The following AP1B1 variants were observed in gnomAD, a reference collection of about 807,000 sequenced individuals.
The protein encoded by AP1B1 is AP-1 complex subunit beta-1.
In AP1B1, 36 loss-of-function variants were observed where a neutral mutation model predicts 104.3. That is an observed-to-expected ratio of 0.35 (90% CI 0.26 to 0.46). The LOEUF (loss-of-function observed/expected upper bound fraction) is 0.46, where lower values mean the gene tolerates loss of function less well. Among genes scored for constraint, AP1B1 ranks in the 20% least tolerant of loss-of-function variants. The pLI, the probability that AP1B1 is intolerant of heterozygous loss-of-function variation, is 1.00. For synonymous variants in AP1B1, 504 were observed against 517.5 expected (o/e 0.97, Z 0.35); for missense variants, 901 against 1,247.9 (o/e 0.72, Z 4.19).
At chr22:29,329,496 A>C in intron 22 of AP1B1, 1 of 1,404,222 alleles carries the variant, frequency 7.1e-7, no homozygotes, top group African/African-American at 1.5e-5. Flanking sequence ...GCAGCAGCCC[A>C]CGGGCCCTCC....
intron 3 of AP1B1, among the ~76,000 whole-genome samples, chr22:29,360,629 C>T (rs1426259272): frequency 2.0e-5 from 3 of 152,152 alleles, no homozygotes; most frequent in African/African-American, 7.2e-5. Flanking sequence ...ATTTAACTGC[C>T]CTCAGAAGTC....
At chr22:29,351,939 G>T in intron 7 of AP1B1, 114 bp from the exon 8 acceptor site, 1 of 1,380,698 alleles carries the variant, frequency 7.2e-7, no homozygotes, top group Non-Finnish European at 9.8e-7. Flanking sequence ...CCTGATGTCT[G>T]TGAAGGCAGA....
rs1276219803 is a variant in AP1B1, at chr22:29,388,545, T to C, written c.-149A>G. ...TGCCGGCGGCTCGGAGCCCCGCGGC[T>C]GTCACCTGCCGGGCGGAAGTGAGCT... On this transcript the variant is annotated 5_prime_UTR_variant, in exon 1 of 23. Transcript: ENST00000357586. 1 of 152,148 alleles carries C rather than the reference T, an allele frequency of 6.6e-6. No homozygotes were observed. Among genetic ancestry groups the C allele is most frequent in the Admixed American group, 6.5e-5 (1 of 15,288 alleles). The allele number at this position is 152,148 out of a possible 1,614,324, so 9.4% of individuals were successfully genotyped here.
At chr22:29,351,422 G>T (rs2061872836) in intron 8 of AP1B1, 156 bp from the exon 9 acceptor site, 1 of 951,086 alleles carries the variant, frequency 1.1e-6, no homozygotes, top group Non-Finnish European at 1.6e-6. Context: ...GCAGGTGCCT[G>T]AAAAGGAAAG....
At chr22:29,331,980 C>T in intron 17 of AP1B1, 64 bp from the exon 18 acceptor site, 1 of 1,489,288 alleles carries the variant, frequency 6.7e-7, no homozygotes. Context: ...GACAGGTGAG[C>T]TCCTCCGACT....
chr22:29,380,549 C>T (rs1341204267), intron 1 of AP1B1, among the ~76,000 whole-genome samples: 1 of 152,182 alleles, frequency 6.6e-6, no homozygotes, highest in Non-Finnish European at 1.5e-5. Flanking sequence ...CTGCAGTCTA[C>T]ATCATCTAGT....
chr22:29,378,468 G>C (rs2062381355), intron 1 of AP1B1, among the ~76,000 whole-genome samples: 1 of 147,814 alleles, frequency 6.8e-6, no homozygotes, highest in Non-Finnish European at 1.5e-5. Flanking sequence ...TGGGAAGATT[G>C]CTTGAGCCTG....
chr22:29,362,856 T>C (rs929391645), intron 3 of AP1B1, 145 bp downstream of exon 3: 6 of 645,042 alleles, frequency 9.3e-6, no homozygotes, highest in African/African-American at 3.6e-5. Flanking sequence ...AAACCTTCTA[T>C]TGGGAAGAAA....
chr22:29,338,858 C>T, intron 16 of AP1B1, 132 bp downstream of exon 16: 1 of 1,314,640 alleles, frequency 7.6e-7, no homozygotes, highest in South Asian at 1.4e-5. Context: ...CCTCGGTGCC[C>T]CTGTGGCCCC....
At chr22:29,345,538 A>ATT (rs34676854) in intron 11 of AP1B1, among the ~76,000 whole-genome samples, 29 of 132,830 alleles carry the variant, frequency 2.2e-4, no homozygotes, top group South Asian at 2.3e-4. Flanking sequence ...CACCCAGCTA[A>ATT]TTTTTTTTTT....
At chr22:29,359,701 C>T (rs1023196956) in intron 4 of AP1B1, 123 bp downstream of exon 4, 21 of 1,293,190 alleles carry the variant, frequency 1.6e-5, no homozygotes, top group Middle Eastern at 4.2e-4. Flanking sequence ...GCAGGCTGGG[C>T]GGGCGCGGGC....
intron 11 of AP1B1, among the ~76,000 whole-genome samples, chr22:29,344,406 G>A (rs2061758699): frequency 6.6e-6 from 1 of 151,592 alleles, no homozygotes; most frequent in Non-Finnish European, 1.5e-5. Context: ...CCGTTAGCCT[G>A]CATATTTAGG....
At chr22:29,349,455 G>C in intron 10 of AP1B1, 72 bp from the exon 11 acceptor site, 1 of 1,550,444 alleles carries the variant, frequency 6.4e-7, no homozygotes, top group Non-Finnish European at 8.8e-7. Flanking sequence ...CCAGACAGGG[G>C]CCAGGAGGGA....
At position 29,383,507 on chromosome 22, in the gene AP1B1, G is replaced by C. The variant is rs150674399; in HGVS notation, c.-28+4917C>G. Among the ~76,000 whole-genome samples the C allele has an allele frequency of 6.3e-3, 963 of 152,004 alleles. 9 individuals are homozygous for C. The highest frequency in any genetic ancestry group is 0.017 in the Middle Eastern group (5 of 294). ...GGGCGGATCACAAGGTCAGGAGATC[G>C]AGACCATCCTGGCTAACACGGTGAA... On this transcript the variant is annotated intron_variant, in intron 1 of 22. Coordinates refer to ENST00000357586, the MANE Select transcript of AP1B1 (RefSeq NM_001127.4).
rs73884716 is a variant in AP1B1 at position 29,343,073 on chromosome 22, C to G, written c.1438-690G>C. ...GAGTGATGTCTGTCTTGCTTACTGTCGTGTCACTAATTACTGCCCAATCTA... is the reference window on the plus strand; with the variant it reads ...GAGTGATGTCTGTCTTGCTTACTGTGGTGTCACTAATTACTGCCCAATCTA... On this transcript the variant is annotated intron_variant, in intron 11 of 22. Coordinates refer to ENST00000357586, the MANE Select transcript of AP1B1 (RefSeq NM_001127.4). Among the ~76,000 whole-genome samples the G allele has an allele frequency of 1.7e-3, 255 of 152,366 alleles. 2 individuals are homozygous for G. The highest frequency in any genetic ancestry group is 6.0e-3 in the African/African-American group (250 of 41,586).
At chr22:29,352,861 G>A (rs748425173) in intron 7 of AP1B1, among the ~76,000 whole-genome samples, 1 of 152,144 alleles carries the variant, frequency 6.6e-6, no homozygotes, top group Admixed American at 6.5e-5. Flanking sequence ...CATGGACACC[G>A]ACCTAATCGG....
At chr22:29,354,023 C>T (rs374596712) in intron 7 of AP1B1, among the ~76,000 whole-genome samples, 49 of 152,296 alleles carry the variant, frequency 3.2e-4, no homozygotes, top group African/African-American at 9.9e-4. Context: ...CGCCTACCCC[C>T]CACTACCATA....
At chr22:29,344,130 A>G (rs1278878226) in intron 11 of AP1B1, among the ~76,000 whole-genome samples, 3 of 151,818 alleles carry the variant, frequency 2.0e-5, no homozygotes, top group African/African-American at 7.3e-5. Flanking sequence ...AAAAAAAAGT[A>G]AAGAAGCATT....
intron 1 of AP1B1, among the ~76,000 whole-genome samples, chr22:29,369,787 G>A (rs940673318): frequency 1.3e-5 from 2 of 151,244 alleles, no homozygotes; most frequent in African/African-American, 2.4e-5. Flanking sequence ...GCCCTGTTAC[G>A]TAACTAGTTA....
Sources: allele counts gnomAD v4.1 joint callset (sites outside exome capture counted in the v4.1 genomes callset), GRCh38; gene constraint gnomAD v4.1.1; transcripts MANE v1.5; gene names NCBI Gene and HGNC (gene_info 2026-07-23, HGNC 2026-07-21).